The following HHLA1 variants were observed in gnomAD, a reference collection of about 807,000 sequenced individuals.
HHLA1 encodes the protein HHLA1 neighbor of OC90.
A neutral mutation model predicts 69.9 loss-of-function variants in HHLA1; 72 were observed. That is an observed-to-expected ratio of 1.03 (90% CI 0.85 to 1.25). The LOEUF (loss-of-function observed/expected upper bound fraction) is 1.25. Among genes scored for constraint, HHLA1 ranks in the 50% most tolerant of loss-of-function variants. The pLI is 0.00. For missense variants in HHLA1, 685 were observed against 642.2 expected (o/e 1.07, Z -0.72); for synonymous variants, 252 against 233.2 (o/e 1.08, Z -0.73).
intron 15 of HHLA1, chr8:132,070,419 C>T (rs1823513488): frequency 1.4e-6 from 1 of 700,924 alleles, no homozygotes; most frequent in Non-Finnish European, 2.6e-6. Flanking sequence ...TTATTCTCTC[C>T]TAGCAAATCT....
intron 5 of HHLA1, among the ~76,000 whole-genome samples, chr8:132,097,673 C>CCACAG (rs1397905183): frequency 6.6e-6 from 1 of 152,202 alleles, no homozygotes; most frequent in Non-Finnish European, 1.5e-5. Flanking sequence ...TTCAGTCTCT[C>CCACAG]CACAGCACCC....
chr8:132,077,682 T>C (rs1380487316), intron 12 of HHLA1, 44 bp downstream of exon 12: 11 of 1,535,488 alleles, frequency 7.2e-6, no homozygotes, highest in Non-Finnish European at 9.7e-6. Flanking sequence ...CAATGCTAAG[T>C]TTAATTTAAA....
chr8:132,105,273 A>T lies in HHLA1; in HGVS notation c.-8T>A, dbSNP rs374597915. On this transcript the variant is annotated 5_prime_UTR_variant, in exon 2 of 17. Coordinates refer to ENST00000414222, the MANE Select transcript of HHLA1 (RefSeq NM_001145095.3). Reference sequence around the variant, plus strand: ...TGACAGGAAGCCCAGCATGCTTGTGATACTCTGGCCCACCTGGAATGAAGC... The same window carrying T: ...TGACAGGAAGCCCAGCATGCTTGTGTTACTCTGGCCCACCTGGAATGAAGC... The T allele has an allele frequency of 8.5e-4, 1,315 of 1,551,478 alleles. 2 individuals carry two copies. Among genetic ancestry groups the T allele is most frequent in the Non-Finnish European group, 1.0e-3 (1,182 of 1,146,490 alleles).
At position 132,095,617 on chromosome 8, in the gene HHLA1, G is replaced by T; in HGVS notation, c.365-15C>A. 6.5e-7 allele frequency: 1 copy of T among 1,537,050 alleles called. No homozygotes were observed. The highest frequency in any genetic ancestry group is 8.8e-7 in the Non-Finnish European group (1 of 1,133,740). On this transcript the variant is annotated splice_polypyrimidine_tract_variant and intron_variant, in intron 6 of 16. Coordinates refer to ENST00000414222, the MANE Select transcript of HHLA1 (RefSeq NM_001145095.3). Reference sequence around the variant, plus strand: ...CAGGTTAGAAACTGTGAAGAGAAAGGATTCAACAGAGATCCTAACACACAG... The same window carrying T: ...CAGGTTAGAAACTGTGAAGAGAAAGTATTCAACAGAGATCCTAACACACAG...
At chr8:132,072,675 T>C (rs1823567166) in intron 14 of HHLA1, among the ~76,000 whole-genome samples, 1 of 152,220 alleles carries the variant, frequency 6.6e-6, no homozygotes, top group African/African-American at 2.4e-5. Flanking sequence ...AATACCCTTT[T>C]AATGCAGTTT....
intron 13 of HHLA1, 82 bp downstream of exon 13, chr8:132,076,393 T>C: frequency 1.1e-6 from 1 of 948,192 alleles, no homozygotes; most frequent in African/African-American, 1.7e-5. Flanking sequence ...TGGTACCCCA[T>C]CCCACCACGC....
At chr8:132,084,241 G>A (rs1444775148) in intron 10 of HHLA1, among the ~76,000 whole-genome samples, 1 of 152,044 alleles carries the variant, frequency 6.6e-6, no homozygotes, top group Non-Finnish European at 1.5e-5. Flanking sequence ...TTATAGGGTG[G>A]AGGAGCGGAG....
rs1563747994 is a variant in HHLA1, at chr8:132,095,768, G to C, written c.299C>G (p.Ser100Cys). 1 of 1,549,996 alleles carries C rather than the reference G, an allele frequency of 6.5e-7. No individual in the cohort carries two copies. The highest frequency in any genetic ancestry group is 1.7e-4 in the Middle Eastern group (1 of 5,986). The change falls in exon 6 of 17, where the codon TCC becomes TGC. Residue 100 changes from serine to cysteine, a missense_variant. Coordinates refer to ENST00000414222, the MANE Select transcript of HHLA1 (RefSeq NM_001145095.3). ...ACTGTAGGAAGTGACACTCAGCAAG[G>C]AGAAGAACTTCTTGCTATCTGCCAA... ...RALKDSKKFFSLLSVTSYSSF... is the reference protein window; with the variant it reads ...RALKDSKKFFCLLSVTSYSSF...
At chr8:132,070,575 A>T (rs1487450631) in intron 15 of HHLA1, among the ~76,000 whole-genome samples, 1 of 151,862 alleles carries the variant, frequency 6.6e-6, no homozygotes, top group Non-Finnish European at 1.5e-5. Context: ...ACTCAACACA[A>T]TTCAACTTAT....
chr8:132,073,377 G>A (rs1823581394), intron 14 of HHLA1, among the ~76,000 whole-genome samples: 1 of 152,152 alleles, frequency 6.6e-6, no homozygotes, highest in Non-Finnish European at 1.5e-5. Flanking sequence ...TTAACTAGAA[G>A]ATAAACCCTC....
chr8:132,082,387 T>C (rs1022905994), intron 10 of HHLA1, among the ~76,000 whole-genome samples: 9 of 152,178 alleles, frequency 5.9e-5, no homozygotes, highest in African/African-American at 1.7e-4. Flanking sequence ...CTACAGGGTG[T>C]GGTCCTGGCT....
rs963890083 is a variant in HHLA1 at position 132,085,049 on chromosome 8, G to A, written c.676+2604C>T. ...AAAGCAGAGAAGGGGTAGAGACAAGGAGAGAAGGGGTTGGAGTACTTGCCC... is the reference window on the plus strand; with the variant it reads ...AAAGCAGAGAAGGGGTAGAGACAAGAAGAGAAGGGGTTGGAGTACTTGCCC... On this transcript the variant is annotated intron_variant, in intron 10 of 16. Coordinates refer to ENST00000414222, the MANE Select transcript of HHLA1 (RefSeq NM_001145095.3). Among the ~76,000 whole-genome samples the A allele has an allele frequency of 2.0e-5, 3 of 151,980 alleles. No individual in the cohort carries two copies. The East Asian group carries it at 5.8e-4, about 29-fold the overall frequency.
Position 132,079,941 on chromosome 8 carries a change from C to A in HHLA1, c.702G>T (p.Arg234Ser). 1 of 1,552,238 alleles carries A rather than the reference C, an allele frequency of 6.4e-7. No homozygotes were observed. Among genetic ancestry groups the A allele is most frequent in the Non-Finnish European group, 8.7e-7 (1 of 1,147,106 alleles). ...VLGAATRGTA[R>S]TSKPTTKSQK... ...GGCTTTTGGTTGTGGGCTTTGAAGTCCTGGCAGTTCCCCTGGTAGCTGCAC... is the reference window on the plus strand; with the variant it reads ...GGCTTTTGGTTGTGGGCTTTGAAGTACTGGCAGTTCCCCTGGTAGCTGCAC... Residue 234 changes from arginine (R) to serine (S), a missense_variant, in exon 11 of 17, where the codon AGG (arginine) becomes AGT (serine). Coordinates refer to ENST00000414222, the MANE Select transcript of HHLA1 (RefSeq NM_001145095.3).
chr8:132,064,031 C>A lies in HHLA1; in HGVS notation c.1560G>T (p.Lys520Asn). 1 of 1,303,472 alleles carries A rather than the reference C, an allele frequency of 7.7e-7. No homozygotes were observed. Among genetic ancestry groups the A allele is most frequent in the Non-Finnish European group, 1.0e-6 (1 of 987,818 alleles). The allele number at this position is 1,303,472 out of a possible 1,614,324, so 80.7% of individuals were successfully genotyped here. The change falls in exon 17 of 17, where the codon AAG becomes AAT. Residue 520 changes from lysine (K) to asparagine (N), a missense_variant. By Grantham distance (94) the Lys-to-Asn change is moderately conservative (BLOSUM62 0). Coordinates refer to ENST00000414222, the MANE Select transcript of HHLA1 (RefSeq NM_001145095.3). ...TGCAGATATTCTCAAGGCACTTTTGCTTTAAGGCTGAAAAAAAAGCAGAAG... is the reference window on the plus strand; with the variant it reads ...TGCAGATATTCTCAAGGCACTTTTGATTTAAGGCTGAAAAAAAAGCAGAAG... Reference protein sequence around the residue: ...VKRVSHSHTLKQKCLENICKS... With the variant: ...VKRVSHSHTLNQKCLENICKS...
intron 14 of HHLA1, among the ~76,000 whole-genome samples, chr8:132,073,672 A>G (rs1430357075): frequency 6.6e-6 from 1 of 152,132 alleles, no homozygotes; most frequent in Non-Finnish European, 1.5e-5. Flanking sequence ...CATAATTAAC[A>G]TTCCCAAGGC....
chr8:132,087,705 T>G lies in HHLA1; in HGVS notation c.624A>C (p.Glu208Asp), dbSNP rs1317722558. The change falls in exon 10 of 17, where the codon GAA (glutamate) becomes GAC (aspartate). Residue 208 changes from glutamate to aspartate, a missense_variant. Transcript: ENST00000414222. ...ATGTGTAATTGATAATGGGATATTT[T>G]TCTTCTATCTCCCAGAAGTCAGAAA... ...RNLSDFWEIE[E>D]KYPIINYTFT... The G allele has an allele frequency of 2.6e-5, 40 of 1,551,458 alleles. No individual in the cohort carries two copies. The highest frequency in any genetic ancestry group is 3.4e-5 in the Non-Finnish European group (39 of 1,146,912).
rs567266807 is a variant in HHLA1 at position 132,080,310 on chromosome 8, T to G, written c.677-344A>C. The G allele has an allele frequency of 1.5e-4, 55 of 366,902 alleles. 2 individuals are homozygous for G. In the East Asian group the frequency reaches 3.8e-3, roughly 25 times the overall value. 22.7% of individuals were successfully genotyped at this position (366,902 alleles called of 1,614,324 possible). A position where few individuals can be genotyped will look rare whatever the true frequency, so the allele number is the denominator to read the frequency against. ...AATAAAGCTGTTTATTTCACCTGGG[T>G]GCAGGCGGGCTGAGTCCGAAAAGAG... On this transcript the variant is annotated intron_variant, in intron 10 of 16. Transcript: ENST00000414222.
At chr8:132,067,820 C>T (rs1298652021) in intron 15 of HHLA1, among the ~76,000 whole-genome samples, 4 of 152,188 alleles carry the variant, frequency 2.6e-5, no homozygotes, top group Non-Finnish European at 5.9e-5. Flanking sequence ...CAGGACTATA[C>T]CCATTTTGTA....
intron 11 of HHLA1, 42 bp downstream of exon 11, chr8:132,079,676 G>C (rs561790377): frequency 4.7e-6 from 7 of 1,497,708 alleles, no homozygotes; most frequent in Middle Eastern, 1.8e-4. Flanking sequence ...TAACAGGAGC[G>C]AGACATAGCA....
Sources: allele counts gnomAD v4.1 joint callset (sites outside exome capture counted in the v4.1 genomes callset), GRCh38; gene constraint gnomAD v4.1.1; transcripts MANE v1.5; gene names NCBI Gene and HGNC (gene_info 2026-07-23, HGNC 2026-07-21).